Variants in RBFOX1 observed in about 807,000 individuals in gnomAD.
The protein encoded by RBFOX1 is RNA binding protein fox-1 homolog 1.
Under a neutral mutation model 57.7 loss-of-function variants are expected in RBFOX1, and 8 were observed. The ratio of observed to expected loss-of-function variants is 0.14; its 90% CI spans 0.08 to 0.25. RBFOX1 has a LOEUF of 0.25. Among genes scored for constraint, RBFOX1 ranks in the 10% least tolerant of loss-of-function variants. RBFOX1 has a pLI of 1.00. For missense variants in RBFOX1, 611 were observed against 548.5 expected (o/e 1.11, Z -1.14); for synonymous variants, 326 against 222.4 (o/e 1.47, Z -4.15).
chr16:7,492,694 C>T (rs1599863177), intron 4 of RBFOX1, among the ~76,000 whole-genome samples: 1 of 152,012 alleles, frequency 6.6e-6, no homozygotes, highest in Non-Finnish European at 1.5e-5. Flanking sequence ...TAGTGCCATA[C>T]CCTTGGTGGT....
chr16:6,604,594 C>T (rs2097901049), intron 2 of RBFOX1, among the ~76,000 whole-genome samples: 1 of 152,170 alleles, frequency 6.6e-6, no homozygotes, highest in Non-Finnish European at 1.5e-5. Flanking sequence ...GCAATGGTGG[C>T]AAGCTCTTAA....
intron 1 of RBFOX1, among the ~76,000 whole-genome samples, chr16:6,115,835 C>T (rs2096491173): frequency 6.6e-6 from 1 of 152,166 alleles, no homozygotes; most frequent in Non-Finnish European, 1.5e-5. Flanking sequence ...CTCTGCTCTC[C>T]TGAGCTGTGG....
At chr16:6,102,047 T>C (rs781215696) in intron 1 of RBFOX1, among the ~76,000 whole-genome samples, 2 of 152,138 alleles carry the variant, frequency 1.3e-5, no homozygotes, top group African/African-American at 2.4e-5. Flanking sequence ...GACTGTTGCA[T>C]TGGCTGCATT....
intron 1 of RBFOX1, among the ~76,000 whole-genome samples, chr16:5,272,721 T>C (rs758332274): frequency 6.6e-6 from 1 of 152,208 alleles, no homozygotes; most frequent in Non-Finnish European, 1.5e-5. Context: ...GGCCAACTCA[T>C]TGACTTCCCT....
At chr16:6,933,371 C>G (rs1034177184) in intron 3 of RBFOX1, among the ~76,000 whole-genome samples, 2 of 152,204 alleles carry the variant, frequency 1.3e-5, no homozygotes, top group African/African-American at 4.8e-5. Flanking sequence ...CACAAGGGTT[C>G]CAATCTGTCC....
At chr16:6,568,885 C>T (rs1461007067) in intron 2 of RBFOX1, among the ~76,000 whole-genome samples, 1 of 152,124 alleles carries the variant, frequency 6.6e-6, no homozygotes, top group African/African-American at 2.4e-5. Context: ...TATCCTGCCT[C>T]AGCACTGCCC....
At chr16:7,218,113 C>T (rs939696625) in intron 4 of RBFOX1, among the ~76,000 whole-genome samples, 3 of 151,912 alleles carry the variant, frequency 2.0e-5, no homozygotes, top group African/African-American at 7.2e-5. Flanking sequence ...GAGTAGAGCT[C>T]CCTCTGCAGA....
intron 4 of RBFOX1, among the ~76,000 whole-genome samples, chr16:5,942,142 GA>G (rs2059293670): frequency 6.6e-6 from 1 of 152,076 alleles, no homozygotes; most frequent in Non-Finnish European, 1.5e-5. Context: ...TAGACAGGGG[GA>G]GTGCAATAGA....
At chr16:6,132,974 A>AAAAAAAAAAG in intron 1 of RBFOX1, among the ~76,000 whole-genome samples, 1 of 148,074 alleles carries the variant, frequency 6.8e-6, no homozygotes, top group East Asian at 2.0e-4. Context: ...CAAAAAAAAA[A>AAAAAAAAAAG]AAAAGAAAAG....
At chr16:6,955,575 T>C (rs1037265897) in intron 3 of RBFOX1, among the ~76,000 whole-genome samples, 1 of 152,196 alleles carries the variant, frequency 6.6e-6, no homozygotes, top group Non-Finnish European at 1.5e-5. Context: ...CTTAGTGTAA[T>C]ATTGGTTTTA....
intron 3 of RBFOX1, among the ~76,000 whole-genome samples, chr16:6,862,881 A>G (rs1319537086): frequency 6.9e-6 from 1 of 145,942 alleles, no homozygotes; most frequent in Non-Finnish European, 1.5e-5. Flanking sequence ...GCTACTCAGG[A>G]GGTTGAGGCA....
At chr16:6,754,242 C>G (rs2075419924) in intron 3 of RBFOX1, among the ~76,000 whole-genome samples, 2 of 152,118 alleles carry the variant, frequency 1.3e-5, no homozygotes, top group Non-Finnish European at 2.9e-5. Flanking sequence ...ACAATGTTCA[C>G]CTGCTTTATT....
chr16:6,999,898 C>A (rs1169801651), intron 3 of RBFOX1, among the ~76,000 whole-genome samples: 2 of 151,592 alleles, frequency 1.3e-5, no homozygotes, highest in East Asian at 1.9e-4. Flanking sequence ...ATGGTGAAAC[C>A]CTGTCTTTAC....
At position 6,826,816 on chromosome 16, in the gene RBFOX1, A is replaced by G. The variant is rs151117557; in HGVS notation, c.-16+172166A>G. On this transcript the variant is annotated intron_variant, in intron 3 of 15. Transcript: ENST00000550418. ...GTGAAATCTCATGAATTTAAACATT[A>G]ATGTAAGATAAATTAATTTTAAATT... Among the ~76,000 whole-genome samples, 196 of 152,308 alleles carry G rather than the reference A, an allele frequency of 1.3e-3. 4 individuals carry two copies. Among genetic ancestry groups the G allele is most frequent in the Middle Eastern group, 0.01 (3 of 294 alleles).
chr16:7,409,555 G>A (rs184529303), intron 4 of RBFOX1, among the ~76,000 whole-genome samples: 2 of 152,202 alleles, frequency 1.3e-5, no homozygotes, highest in African/African-American at 4.8e-5. Context: ...ATCCTAAGCA[G>A]TGTATGTCTG....
intron 2 of RBFOX1, among the ~76,000 whole-genome samples, chr16:5,500,710 T>C (rs1319924915): frequency 1.3e-5 from 2 of 152,168 alleles, no homozygotes; most frequent in East Asian, 3.9e-4. Flanking sequence ...TATGGTCCCG[T>C]TGGCAAAGTG....
intron 3 of RBFOX1, among the ~76,000 whole-genome samples, chr16:6,943,665 G>A (rs528776074): frequency 1.5e-4 from 22 of 150,518 alleles, no homozygotes; most frequent in Middle Eastern, 3.4e-3. Context: ...CCAAGATTGC[G>A]TCACTGCACT....
chr16:6,180,457 A>G (rs2097054095), intron 1 of RBFOX1, among the ~76,000 whole-genome samples: 1 of 149,626 alleles, frequency 6.7e-6, no homozygotes, highest in African/African-American at 2.5e-5. Flanking sequence ...ATTCTATAAA[A>G]TTGGTAGTAA....
Position 7,332,342 on chromosome 16 carries a change from C to G in RBFOX1, c.28-185805C>G, listed in dbSNP as rs148475609. On this transcript the variant is annotated intron_variant, in intron 4 of 15. Transcript: ENST00000550418. ...TTTAACTCTGTCTCTCTGCGTAGCA[C>G]ACATTGTGCAAATACAAGCTGGCTG... Among the ~76,000 whole-genome samples, 11 of 152,318 alleles carry G rather than the reference C, an allele frequency of 7.2e-5. 1 individual carries two copies. In the East Asian group the frequency reaches 2.1e-3, roughly 29 times the overall value.
Sources: allele counts gnomAD v4.1 joint callset (sites outside exome capture counted in the v4.1 genomes callset), GRCh38; gene constraint gnomAD v4.1.1; transcripts MANE v1.5; gene names NCBI Gene and HGNC (gene_info 2026-07-23, HGNC 2026-07-21).